The following CAMTA1 variants were observed in gnomAD, a reference collection of about 807,000 sequenced individuals.
The protein encoded by CAMTA1 is calmodulin-binding transcription activator 1.
CAMTA1 carries 27 observed loss-of-function variants against 170.9 expected under a neutral mutation model. The observed-to-expected ratio is 0.16, with a 90% CI of 0.12 to 0.22. The LOEUF (loss-of-function observed/expected upper bound fraction) is 0.22, where lower values mean the gene tolerates loss of function less well. Ranked by LOEUF, CAMTA1 falls within the 10% of genes least tolerant of loss-of-function variation. The pLI is 1.00. For synonymous variants in CAMTA1, 833 were observed against 891.5 expected (o/e 0.93, Z 1.17); for missense variants, 1,619 against 2,217.2 (o/e 0.73, Z 5.42).
intron 3 of CAMTA1, among the ~76,000 whole-genome samples, chr1:6,929,685 G>T (rs189341367): frequency 9.2e-5 from 14 of 152,344 alleles, no homozygotes; most frequent in African/African-American, 3.4e-4. Context: ...TTTTAGTAGA[G>T]ATGGGGTTTC....
In CAMTA1 at chr1:7,050,403, T is replaced by C. The variant is rs1215391368; in HGVS notation, c.235-40901T>C. Among the ~76,000 whole-genome samples the C allele has an allele frequency of 1.3e-5, 2 of 151,940 alleles. No homozygotes were observed. Among genetic ancestry groups the C allele is most frequent in the African/African-American group, 2.4e-5 (1 of 41,338 alleles). On this transcript the variant is annotated intron_variant, in intron 3 of 22. Coordinates refer to ENST00000303635, the MANE Select transcript of CAMTA1 (RefSeq NM_015215.4). This position sits in a 1 kb window ranked among gnomAD's most constrained non-coding sequence, Gnocchi z 4.8. ...GAAGCCTGAAGCTGAGTCCCTGGGG[T>C]GCAGGGCCCACACTCTGGCTGCTCA...
intron 4 of CAMTA1, among the ~76,000 whole-genome samples, chr1:7,243,173 C>T (rs1665189790): frequency 6.6e-6 from 1 of 152,072 alleles, no homozygotes; most frequent in South Asian, 2.1e-4. Flanking sequence ...GCTGGTAACG[C>T]TAGCCCCTAT....
chr1:7,213,258 C>A (rs370705927), intron 4 of CAMTA1, among the ~76,000 whole-genome samples: 1 of 152,190 alleles, frequency 6.6e-6, no homozygotes, highest in East Asian at 1.9e-4. Flanking sequence ...TCTCTGCATC[C>A]TTATCAGCAT....
At chr1:7,048,307 CA>C (rs1374776409) in intron 3 of CAMTA1, among the ~76,000 whole-genome samples, 2 of 151,942 alleles carry the variant, frequency 1.3e-5, no homozygotes, top group African/African-American at 4.8e-5. Flanking sequence ...AGAGTCACTC[CA>C]AGGTAAAATA....
intron 5 of CAMTA1, among the ~76,000 whole-genome samples, chr1:7,460,534 T>G (rs1008648382): frequency 5.3e-5 from 8 of 152,096 alleles, no homozygotes; most frequent in African/African-American, 1.9e-4. Context: ...CACACGTTCC[T>G]TGGATGTCCA....
chr1:7,212,961 G>C (rs561025289), intron 4 of CAMTA1, among the ~76,000 whole-genome samples: 1 of 152,260 alleles, frequency 6.6e-6, no homozygotes, highest in East Asian at 1.9e-4. Context: ...TTTTATTGCT[G>C]AGTGATGTAC....
At chr1:7,703,853 C>A (rs529697091) in intron 11 of CAMTA1, among the ~76,000 whole-genome samples, 79 of 152,244 alleles carry the variant, frequency 5.2e-4, no homozygotes, top group African/African-American at 1.7e-3. Flanking sequence ...AGGTGCGGCT[C>A]GGGATTTGTG....
intron 3 of CAMTA1, among the ~76,000 whole-genome samples, chr1:7,042,997 C>T (rs895759061): frequency 6.6e-6 from 1 of 152,216 alleles, no homozygotes; most frequent in Non-Finnish European, 1.5e-5. Flanking sequence ...CAAACCACCC[C>T]CCAAGTTTCT....
intron 6 of CAMTA1, among the ~76,000 whole-genome samples, chr1:7,504,375 G>A (rs2094064409): frequency 6.6e-6 from 1 of 152,226 alleles, no homozygotes; most frequent in Non-Finnish European, 1.5e-5. Context: ...CCCCCTTGCT[G>A]CCTGGGCTTG....
chr1:7,357,735 C>T (rs1314000309), intron 5 of CAMTA1, among the ~76,000 whole-genome samples: 3 of 152,080 alleles, frequency 2.0e-5, no homozygotes, highest in Non-Finnish European at 4.4e-5. Context: ...TGTTTTTCGT[C>T]CTTAGGGTCT....
At chr1:6,810,105 A>G (rs1570286513) in intron 1 of CAMTA1, among the ~76,000 whole-genome samples, 2 of 152,186 alleles carry the variant, frequency 1.3e-5, no homozygotes, top group Admixed American at 1.3e-4. Context: ...CAAACAGCCC[A>G]GGGTGGAATC....
At chr1:7,730,920 C>G (rs1402795039) in intron 11 of CAMTA1, among the ~76,000 whole-genome samples, 1 of 107,278 alleles carries the variant, frequency 9.3e-6, no homozygotes, top group African/African-American at 3.1e-5. Flanking sequence ...CTCTCTCTCT[C>G]TCTCTCTCTA....
chr1:7,656,952 C>T (rs946857172), intron 7 of CAMTA1, among the ~76,000 whole-genome samples: 3 of 152,222 alleles, frequency 2.0e-5, no homozygotes, highest in Non-Finnish European at 2.9e-5. Flanking sequence ...GTTCCTGCGA[C>T]GGCCACTCCC....
chr1:7,294,001 A>T (rs973727869), intron 5 of CAMTA1, among the ~76,000 whole-genome samples: 3 of 152,226 alleles, frequency 2.0e-5, no homozygotes, highest in African/African-American at 7.2e-5. Flanking sequence ...CAGGGGAAGC[A>T]CAGTTGTGTC....
In CAMTA1 at chr1:6,887,622, G is replaced by T. The variant is rs889959625; in HGVS notation, c.234+62412G>T. 13 of 1,533,058 alleles carry T rather than the reference G, an allele frequency of 8.5e-6. No homozygotes were observed. Among genetic ancestry groups the T allele is most frequent in the Non-Finnish European group, 1.0e-5 (12 of 1,145,676 alleles). The allele number at this position is 1,533,058 out of a possible 1,614,324, so 95.0% of individuals were successfully genotyped here. On this transcript the variant is annotated intron_variant, in intron 3 of 22. Coordinates refer to ENST00000303635, the MANE Select transcript of CAMTA1 (RefSeq NM_015215.4). The surrounding 1 kb of genome is among the most constrained non-coding windows in gnomAD (Gnocchi z 4.1). ...GTTAAAAACAGAAATAGAAGCGACG[G>T]TTTTGACCCATTTTACACCTATTTA...
At chr1:6,862,943 G>A (rs12755217) in intron 3 of CAMTA1, among the ~76,000 whole-genome samples, 10,253 of 152,198 alleles carry the variant, frequency 0.067, 481 homozygotes, top group Non-Finnish European at 0.1. Flanking sequence ...CGGGAAAAAA[G>A]GTGACAAGAA....
At chr1:6,838,158 G>A (rs1382457619) in intron 3 of CAMTA1, among the ~76,000 whole-genome samples, 1 of 152,186 alleles carries the variant, frequency 6.6e-6, no homozygotes, top group Non-Finnish European at 1.5e-5. Context: ...TAGTGCTCAA[G>A]TGGGCTGTAA....
At chr1:6,899,554 GCACACACACA>G (rs70984034) in intron 3 of CAMTA1, among the ~76,000 whole-genome samples, 4,439 of 141,162 alleles carry the variant, frequency 0.031, 127 homozygotes, top group African/African-American at 0.08. Flanking sequence ...ACGCGCGCGC[GCACACACACA>G]CACACACACA....
intron 3 of CAMTA1, among the ~76,000 whole-genome samples, chr1:6,977,879 A>T (rs1191895776): frequency 6.6e-6 from 1 of 152,260 alleles, no homozygotes; most frequent in Non-Finnish European, 1.5e-5. Context: ...CAGCCATAAA[A>T]AAGAGTGAGA....
Sources: allele counts gnomAD v4.1 joint callset (sites outside exome capture counted in the v4.1 genomes callset), GRCh38; gene constraint gnomAD v4.1.1; non-coding constraint Gnocchi (gnomAD v3.1); transcripts MANE v1.5; gene names NCBI Gene and HGNC (gene_info 2026-07-23, HGNC 2026-07-21).